The following DOCK8 variants were observed in gnomAD, a reference collection of about 807,000 sequenced individuals.
DOCK8 encodes dedicator of cytokinesis 8.
DOCK8 carries 141 observed loss-of-function variants against 245.6 expected under a neutral mutation model. The ratio of observed to expected loss-of-function variants is 0.57; its 90% CI spans 0.50 to 0.66. DOCK8 has a LOEUF of 0.66. Ranked by LOEUF, DOCK8 falls within the 30% of genes least tolerant of loss-of-function variation. The pLI is 0.00. For missense variants in DOCK8, 2,965 were observed against 2,603.4 expected, an observed-to-expected ratio of 1.14 and a Z score of -3.02; for synonymous variants, 1,168 against 970.2, an observed-to-expected ratio of 1.20 and a Z score of -3.79.
At chr9:390,044 G>A (rs779214985) in intron 23 of DOCK8, among the ~76,000 whole-genome samples, 10 of 151,312 alleles carry the variant, frequency 6.6e-5, no homozygotes, top group Non-Finnish European at 1.0e-4. Context: ...TTTGAGAACT[G>A]CTGCCACCAA....
chr9:277,087 G>T, intron 2 of DOCK8: 1 of 202,106 alleles, frequency 4.9e-6, no homozygotes, highest in Non-Finnish European at 1.1e-5. Context: ...GGGATTACAG[G>T]TATGAGTCAT....
intron 4 of DOCK8, among the ~76,000 whole-genome samples, chr9:297,360 C>G (rs919295782): frequency 6.6e-6 from 1 of 152,170 alleles, no homozygotes; most frequent in Non-Finnish European, 1.5e-5. Context: ...GCTGGCTGCA[C>G]CACACTGTCT....
At chr9:214,385 G>T (rs1264156463), upstream of DOCK8, 3 of 816,384 alleles carry the variant, frequency 3.7e-6, no homozygotes, top group Non-Finnish European at 5.8e-6. Context: ...AGTGTCTCAG[G>T]AAGGATGATG....
intron 14 of DOCK8, among the ~76,000 whole-genome samples, chr9:356,040 G>A (rs1311737109): frequency 6.6e-6 from 1 of 152,178 alleles, no homozygotes; most frequent in East Asian, 1.9e-4. Context: ...CCAACATGGG[G>A]CTCTAGCTGG....
At position 340,251 on chromosome 9, in the gene DOCK8, C is replaced by T. The variant is rs544513633; in HGVS notation, c.1609C>T (p.Arg537Trp). 54 of 1,614,126 alleles carry T rather than the reference C, an allele frequency of 3.3e-5. No homozygotes were observed. Among genetic ancestry groups the T allele is most frequent in the South Asian group, 1.5e-4 (14 of 91,074 alleles). ...MLPVKPFPENRTRPHKEILEF... is the reference protein window; with the variant it reads ...MLPVKPFPENWTRPHKEILEF... ...GCCCGTGAAACCCTTTCCTGAAAAC[C>T]GGACACGCCCGCACAAAGAGATTTT... Residue 537 changes from arginine to tryptophan, a missense_variant, in exon 14 of 48, where the codon CGG becomes TGG. Physicochemically the swap from Arg to Trp is moderately radical, Grantham distance 101. Coordinates refer to ENST00000432829, the MANE Select transcript of DOCK8 (RefSeq NM_203447.4).
At position 463,621 on chromosome 9, in the gene DOCK8, G is replaced by A. The variant is rs1727388833; in HGVS notation, c.6173G>A (p.Arg2058Lys). 2 of 1,613,900 alleles carry A rather than the reference G, an allele frequency of 1.2e-6. No individual in the cohort carries two copies. Among genetic ancestry groups the A allele is most frequent in the African/African-American group, 1.3e-5 (1 of 75,032 alleles). The change falls in exon 47 of 48, where the codon AGG (arginine) becomes AAG (lysine). Residue 2058 changes from arginine (R) to lysine (K), a missense_variant. Arg to Lys is a conservative substitution (Grantham distance 26, BLOSUM62 2). Transcript: ENST00000432829. ...TATAACAAGCTAAAAGAGAACCTCA[G>A]GCCAATGATCGAGCGGAAAATTCCA... ...KNYNKLKENL[R>K]PMIERKIPEL...
intron 36 of DOCK8, among the ~76,000 whole-genome samples, chr9:430,435 A>C (rs1363806610): frequency 1.3e-5 from 2 of 152,020 alleles, no homozygotes; most frequent in African/African-American, 4.8e-5. Context: ...TAATCCTAGC[A>C]CTTCGGGAGG....
chr9:247,318 C>T (rs2047528435), intron 1 of DOCK8, among the ~76,000 whole-genome samples: 1 of 152,146 alleles, frequency 6.6e-6, no homozygotes, highest in Non-Finnish European at 1.5e-5. Context: ...ACTGCTTCCA[C>T]ATTTCCTAAG....
At chr9:431,119 C>A (rs1405042391) in intron 36 of DOCK8, among the ~76,000 whole-genome samples, 1 of 152,116 alleles carries the variant, frequency 6.6e-6, no homozygotes, top group Non-Finnish European at 1.5e-5. Context: ...AGTGATCTTC[C>A]CTCCTCAGCC....
rs1028764939 is a variant in DOCK8 at position 251,809 on chromosome 9, A to C, written c.54-19818A>C. Reference sequence around the variant, plus strand: ...GTGACTAGCATTGTTAATTGCAGTAATAGTAGTTCTAGTAGCAGGCTTTTC... The same window carrying C: ...GTGACTAGCATTGTTAATTGCAGTACTAGTAGTTCTAGTAGCAGGCTTTTC... On this transcript the variant is annotated intron_variant, in intron 1 of 47. Coordinates refer to ENST00000432829, the MANE Select transcript of DOCK8 (RefSeq NM_203447.4). Among the ~76,000 whole-genome samples, 3 of 152,166 alleles carry C rather than the reference A, an allele frequency of 2.0e-5. No homozygotes were observed. In the South Asian group the frequency reaches 6.2e-4, roughly 31 times the overall value.
chr9:378,939 C>T (rs2053626857), intron 20 of DOCK8, among the ~76,000 whole-genome samples: 1 of 152,180 alleles, frequency 6.6e-6, no homozygotes. Flanking sequence ...CTCAGTTTCA[C>T]TTGAGCCCTG....
At chr9:416,644 A>G (rs2131613296) in intron 29 of DOCK8, among the ~76,000 whole-genome samples, 1 of 152,370 alleles carries the variant, frequency 6.6e-6, no homozygotes, top group South Asian at 2.1e-4. Context: ...CAGTCTTTCA[A>G]AAAGATGCAT....
At chr9:249,885 C>T (rs1482792229) in intron 1 of DOCK8, among the ~76,000 whole-genome samples, 2 of 151,916 alleles carry the variant, frequency 1.3e-5, no homozygotes, top group African/African-American at 4.8e-5. Context: ...GCCTCGGCAT[C>T]CCAAAGTGCT....
At chr9:233,588 G>T (rs1236214219) in intron 1 of DOCK8, among the ~76,000 whole-genome samples, 1 of 151,650 alleles carries the variant, frequency 6.6e-6, no homozygotes, top group Non-Finnish European at 1.5e-5. Context: ...CTCCTGTATT[G>T]GGTGCATATA....
At chr9:390,432 C>T (rs764330583) in intron 23 of DOCK8, 39 bp from the exon 24 acceptor site, 3 of 1,560,630 alleles carry the variant, frequency 1.9e-6, no homozygotes, top group Non-Finnish European at 2.7e-6. Context: ...ATAATAATAG[C>T]CTTTGTTTCA....
At chr9:247,583 A>G (rs1337540526) in intron 1 of DOCK8, among the ~76,000 whole-genome samples, 2 of 152,036 alleles carry the variant, frequency 1.3e-5, no homozygotes, top group Non-Finnish European at 2.9e-5. Context: ...GCCCAGGCTG[A>G]AGTGCAGTGA....
intron 1 of DOCK8, among the ~76,000 whole-genome samples, chr9:269,672 C>G (rs546900808): frequency 4.0e-5 from 6 of 151,478 alleles, no homozygotes; most frequent in Non-Finnish European, 7.4e-5. Flanking sequence ...TGTCATGCCT[C>G]AGCCTCCCAA....
intron 43 of DOCK8, among the ~76,000 whole-genome samples, chr9:444,482 T>C (rs1276391255): frequency 6.6e-6 from 1 of 152,140 alleles, no homozygotes; most frequent in Non-Finnish European, 1.5e-5. Context: ...CATCTTTTTG[T>C]GCCTTTATTT....
intron 1 of DOCK8, among the ~76,000 whole-genome samples, chr9:225,989 C>T (rs1445710500): frequency 1.3e-5 from 2 of 152,074 alleles, no homozygotes; most frequent in African/African-American, 4.8e-5. Context: ...AAGAACGAAT[C>T]ACATAAAAGC....
Sources: allele counts gnomAD v4.1 joint callset (sites outside exome capture counted in the v4.1 genomes callset), GRCh38; gene constraint gnomAD v4.1.1; transcripts MANE v1.5; gene names NCBI Gene and HGNC (gene_info 2026-07-23, HGNC 2026-07-21).